The following WDFY2 variants were observed in gnomAD, a reference collection of about 807,000 sequenced individuals.
The protein encoded by WDFY2 is WD repeat and FYVE domain-containing protein 2.
In WDFY2, 36 loss-of-function variants were observed where a neutral mutation model predicts 56.4. The ratio of observed to expected loss-of-function variants is 0.64; its 90% CI spans 0.49 to 0.84. The LOEUF (loss-of-function observed/expected upper bound fraction) is 0.84. Among genes scored for constraint, WDFY2 ranks in the 40% least tolerant of loss-of-function variants. The pLI is 0.00. For synonymous variants in WDFY2, 176 were observed against 183.7 expected, an observed-to-expected ratio of 0.96 and a Z score of 0.34; for missense variants, 444 against 512.2, an observed-to-expected ratio of 0.87 and a Z score of 1.29.
chr13:51,711,180 A>G (rs926837677), intron 4 of WDFY2, among the ~76,000 whole-genome samples: 1 of 152,172 alleles, frequency 6.6e-6, no homozygotes, highest in Admixed American at 6.5e-5. Flanking sequence ...CAAAAACAAG[A>G]AATGGGGAAA....
Position 51,766,641 on chromosome 13 carries a change from A to G in WDFY2, c.*6872A>G, listed in dbSNP as rs1256807226. On this transcript the variant is annotated 3_prime_UTR_variant, in exon 12 of 12. Transcript: ENST00000298125. ...TGAAACATCTGTATCCAGGCCCCCA[A>G]TCAAATGCTGCTGAATATTGTGAAT... 5.9e-5 allele frequency: 9 copies of G among 152,232 alleles called. No individual in the cohort carries two copies. The highest frequency in any genetic ancestry group is 3.8e-4 in the East Asian group (2 of 5,198). The allele number at this position is 152,232 out of a possible 1,614,324, so 9.4% of individuals were successfully genotyped here.
chr13:51,730,982 A>T (rs1173383320), intron 6 of WDFY2, among the ~76,000 whole-genome samples: 2 of 152,202 alleles, frequency 1.3e-5, no homozygotes, highest in African/African-American at 4.8e-5. Context: ...AAAGAGTTTG[A>T]AGCAAAGAAG....
intron 1 of WDFY2, chr13:51,593,846 T>G (rs943337957): frequency 1.3e-5 from 2 of 152,202 alleles, no homozygotes; most frequent in African/African-American, 2.4e-5. Flanking sequence ...GTTGTTTGCC[T>G]TTTCATTTTT....
intron 4 of WDFY2, among the ~76,000 whole-genome samples, chr13:51,710,800 A>C (rs1221309134): frequency 6.6e-6 from 1 of 152,232 alleles, no homozygotes; most frequent in Non-Finnish European, 1.5e-5. Flanking sequence ...GACACAAACA[A>C]ATGGAAAAAC....
At chr13:51,617,232 GT>G (rs1954635833) in intron 1 of WDFY2, among the ~76,000 whole-genome samples, 1 of 152,184 alleles carries the variant, frequency 6.6e-6, no homozygotes. Flanking sequence ...TTTAACAGCA[GT>G]AACTCCTTAG....
At position 51,700,452 on chromosome 13, in the gene WDFY2, A is replaced by G. The variant is rs78417984; in HGVS notation, c.280-3144A>G. On this transcript the variant is annotated intron_variant, in intron 3 of 11. Transcript: ENST00000298125. ...AAAGTAATTGCAGCCAAACCTTTAC[A>G]TTTTAATTGTTCGTGAGTATTAACA... is the stretch of plus-strand genomic sequence containing the variant. 4.2e-3 allele frequency among the ~76,000 whole-genome samples: 645 copies of G among 152,334 alleles called. 12 individuals are homozygous for G. In the East Asian group the frequency reaches 0.059, roughly 14 times the overall value.
intron 1 of WDFY2, among the ~76,000 whole-genome samples, chr13:51,658,241 T>A (rs1316272945): frequency 6.6e-6 from 1 of 152,246 alleles, no homozygotes; most frequent in East Asian, 1.9e-4. Flanking sequence ...TCTGTTCTGT[T>A]ATGTCTAAAG....
intron 1 of WDFY2, among the ~76,000 whole-genome samples, chr13:51,606,019 G>T (rs141973832): frequency 2.5e-4 from 38 of 152,250 alleles, no homozygotes; most frequent in African/African-American, 8.9e-4. Flanking sequence ...ATGGCAAAAG[G>T]CAGTGTTGGA....
chr13:51,705,250 G>A (rs1375421839), intron 4 of WDFY2, among the ~76,000 whole-genome samples: 1 of 152,204 alleles, frequency 6.6e-6, no homozygotes, highest in African/African-American at 2.4e-5. Context: ...CAAGGTTTCA[G>A]ATGAGACTAC....
intron 1 of WDFY2, among the ~76,000 whole-genome samples, chr13:51,653,006 A>G (rs576667710): frequency 6.6e-6 from 1 of 152,312 alleles, no homozygotes; most frequent in Non-Finnish European, 1.5e-5. Flanking sequence ...GTGTTTTCCA[A>G]CTTGGTTCCA....
rs531455921 is a variant in WDFY2, at chr13:51,739,389, A to G, written c.725+214A>G. Among the ~76,000 whole-genome samples, 16 of 152,332 alleles carry G rather than the reference A, an allele frequency of 1.1e-4. No individual in the cohort carries two copies. The South Asian group carries it at 3.3e-3, about 32-fold the overall frequency. On this transcript the variant is annotated intron_variant, in intron 7 of 11. Transcript: ENST00000298125. ...CCACAGAGCATTTGAGAGTGCTTAC[A>G]AAAACCATAAAATAAAGTAATGGCA... is the stretch of plus-strand genomic sequence containing the variant.
chr13:51,707,905 A>G (rs193215902), intron 4 of WDFY2, among the ~76,000 whole-genome samples: 1 of 147,646 alleles, frequency 6.8e-6, no homozygotes, highest in East Asian at 2.0e-4. Context: ...AGACCATGGT[A>G]AGTTAAAGAT....
At chr13:51,585,062 G>T (rs527448014) in intron 1 of WDFY2, among the ~76,000 whole-genome samples, 2 of 152,244 alleles carry the variant, frequency 1.3e-5, no homozygotes, top group South Asian at 2.1e-4. Context: ...GCTGGGTAGT[G>T]CCTGCGGGAG....
At chr13:51,613,091 G>A (rs965774698) in intron 1 of WDFY2, among the ~76,000 whole-genome samples, 33 of 152,018 alleles carry the variant, frequency 2.2e-4, no homozygotes, top group African/African-American at 2.4e-5. Context: ...CCAGCTACCC[G>A]GAAGGCTGAG....
At position 51,764,571 on chromosome 13, in the gene WDFY2, T is replaced by A. The variant is rs1029867671; in HGVS notation, c.*4802T>A. The A allele has an allele frequency of 6.6e-6, 1 of 152,424 alleles. No individual in the cohort carries two copies. Among genetic ancestry groups the A allele is most frequent in the Non-Finnish European group, 1.5e-5 (1 of 68,036 alleles). 9.4% of individuals were successfully genotyped at this position (152,424 alleles called of 1,614,324 possible). ...CATCCCAGAATTGAGCTCGTCACTA[T>A]CAGATGCTGCTGCTCCCTGGCCTCA... On this transcript the variant is annotated 3_prime_UTR_variant, in exon 12 of 12. Transcript: ENST00000298125.
rs904810367 is a variant in WDFY2, at chr13:51,654,412, G to A, written c.138-6184G>A. Among the ~76,000 whole-genome samples, 4 of 152,256 alleles carry A rather than the reference G, an allele frequency of 2.6e-5. No individual in the cohort carries two copies. The East Asian group carries it at 7.7e-4, about 29-fold the overall frequency. ...CTCGGTGTGCTGCACCCACTGTCCT[G>A]CACTCACTGTCCGACAATCCCCAGT... On this transcript the variant is annotated intron_variant, in intron 1 of 11. Transcript: ENST00000298125.
At chr13:51,740,044 A>G (rs190029115) in intron 7 of WDFY2, among the ~76,000 whole-genome samples, 2 of 152,370 alleles carry the variant, frequency 1.3e-5, no homozygotes, top group Admixed American at 6.5e-5. Flanking sequence ...TAATGCTTCT[A>G]TGAACTAACC....
At chr13:51,755,534 CA>C in intron 9 of WDFY2, 75 bp downstream of exon 9, 1 of 1,446,246 alleles carries the variant, frequency 6.9e-7, no homozygotes, top group Non-Finnish European at 9.7e-7. Flanking sequence ...GAAGAAATAA[CA>C]CCCCTGGGTG....
At chr13:51,738,110 A>G (rs1952882798) in intron 6 of WDFY2, among the ~76,000 whole-genome samples, 1 of 152,212 alleles carries the variant, frequency 6.6e-6, no homozygotes. Flanking sequence ...AATAAGAAAA[A>G]TGTCAGATTC....
Sources: allele counts gnomAD v4.1 joint callset (sites outside exome capture counted in the v4.1 genomes callset), GRCh38; gene constraint gnomAD v4.1.1; transcripts MANE v1.5; gene names NCBI Gene and HGNC (gene_info 2026-07-23, HGNC 2026-07-21).